GYPC: variants seen among roughly 807,000 people sequenced by gnomAD.
GYPC encodes the protein glycophorin-C.
A neutral mutation model predicts 12.6 loss-of-function variants in GYPC; 14 were observed. The ratio of observed to expected loss-of-function variants is 1.11; its 90% CI spans 0.74 to 1.74. The LOEUF (loss-of-function observed/expected upper bound fraction) is 1.74. GYPC is among the 40% of genes most tolerant of loss of function. The probability of loss-of-function intolerance (pLI) is 0.00; values close to 1 mark genes in which losing one functional copy is unlikely to be tolerated. For synonymous variants in GYPC, 78 were observed against 62.1 expected (o/e 1.26, Z -1.20); for missense variants, 225 against 172.1 (o/e 1.31, Z -1.72).
At chr2:126,685,256 G>T (rs759463368) in intron 1 of GYPC, among the ~76,000 whole-genome samples, 2 of 152,204 alleles carry the variant, frequency 1.3e-5, no homozygotes, top group African/African-American at 4.8e-5. Flanking sequence ...CACAGTGCTA[G>T]CTGAGAAGCA....
intron 1 of GYPC, among the ~76,000 whole-genome samples, chr2:126,689,617 G>A (rs28502422): frequency 0.59 from 87,105 of 148,376 alleles, 26,035 homozygotes; most frequent in African/African-American, 0.69. Flanking sequence ...AGTCACTGGA[G>A]AGCAGGTTGT....
chr2:126,656,184 C>T lies in GYPC; in HGVS notation c.-80C>T. ...CTCTCGCCGCCGAGGGTCAGGAGCC[C>T]GGGAGCGCGACCCTCCCCCGGCCCG... On this transcript the variant is annotated 5_prime_UTR_variant, in exon 1 of 4. Transcript: ENST00000259254. 6.5e-7 allele frequency: 1 copy of T among 1,529,220 alleles called. No homozygotes were observed. Among genetic ancestry groups the T allele is most frequent in the Non-Finnish European group, 8.8e-7 (1 of 1,136,816 alleles). 94.7% of individuals were successfully genotyped at this position (1,529,220 alleles called of 1,614,324 possible). A position where few individuals can be genotyped will look rare whatever the true frequency, so the allele number is the denominator to read the frequency against.
chr2:126,677,500 TATGAGA>T (rs1339491056), intron 1 of GYPC, among the ~76,000 whole-genome samples: 1 of 118,086 alleles, frequency 8.5e-6, no homozygotes, highest in African/African-American at 4.6e-5. Flanking sequence ...TGAGTGTGTG[TATGAGA>T]GTGTGTGTGA....
chr2:126,664,950 T>TC (rs1682638219), intron 1 of GYPC, among the ~76,000 whole-genome samples: 2 of 136,226 alleles, frequency 1.5e-5, no homozygotes, highest in Admixed American at 7.6e-5. Flanking sequence ...ACTTGCTGTC[T>TC]TTCTCTCTCT....
chr2:126,666,001 G>A (rs778167864), intron 1 of GYPC, among the ~76,000 whole-genome samples: 18 of 152,254 alleles, frequency 1.2e-4, no homozygotes, highest in Non-Finnish European at 2.1e-4. Flanking sequence ...TGCTCAGATC[G>A]TTACAGCCCT....
chr2:126,656,274 C>T lies in GYPC; in HGVS notation c.11C>T (p.Thr4Met), dbSNP rs1409613456. Residue 4 changes from threonine to methionine, a missense_variant, in exon 1 of 4, where the codon ACG (threonine) becomes ATG (methionine). Coordinates refer to ENST00000259254, the MANE Select transcript of GYPC (RefSeq NM_002101.5). MWS[T>M]RSPNSTAWPL... ...GGCTGACGCCCAGGAATGTGGTCGACGAGAAGCCCCAACAGCACGGCGTGG... is the reference window on the plus strand; with the variant it reads ...GGCTGACGCCCAGGAATGTGGTCGATGAGAAGCCCCAACAGCACGGCGTGG... 3 of 1,603,428 alleles carry T rather than the reference C, an allele frequency of 1.9e-6. No homozygotes were observed. Among genetic ancestry groups the T allele is most frequent in the Non-Finnish European group, 1.7e-6 (2 of 1,176,670 alleles).
chr2:126,679,199 C>T (rs1454707721), intron 1 of GYPC, among the ~76,000 whole-genome samples: 1 of 152,206 alleles, frequency 6.6e-6, no homozygotes, highest in Non-Finnish European at 1.5e-5. Context: ...TGACACCAAG[C>T]TGCACAGGGG....
chr2:126,667,883 A>T (rs1558880766), intron 1 of GYPC, among the ~76,000 whole-genome samples: 1 of 152,236 alleles, frequency 6.6e-6, no homozygotes, highest in Non-Finnish European at 1.5e-5. Context: ...TACTGCATGC[A>T]AGGTGCTGCA....
At chr2:126,687,286 C>T (rs1014078247) in intron 1 of GYPC, among the ~76,000 whole-genome samples, 11 of 152,204 alleles carry the variant, frequency 7.2e-5, no homozygotes, top group African/African-American at 2.2e-4. Context: ...TGGAAGCCCT[C>T]TTTACACCAG....
At chr2:126,669,562 G>A (rs1032917109) in intron 1 of GYPC, among the ~76,000 whole-genome samples, 3 of 152,174 alleles carry the variant, frequency 2.0e-5, no homozygotes, top group Non-Finnish European at 2.9e-5. Context: ...TTGGTAATTC[G>A]CCCTGGGTCA....
At chr2:126,682,426 G>A (rs1683173775) in intron 1 of GYPC, among the ~76,000 whole-genome samples, 1 of 152,160 alleles carries the variant, frequency 6.6e-6, no homozygotes, top group Non-Finnish European at 1.5e-5. Flanking sequence ...CCAGGCATGG[G>A]GGTAGACAGG....
intron 1 of GYPC, among the ~76,000 whole-genome samples, chr2:126,667,806 C>T (rs1161154846): frequency 6.6e-6 from 1 of 152,180 alleles, no homozygotes; most frequent in Admixed American, 6.5e-5. Context: ...TGAATACAGT[C>T]AAGAGCCCCA....
chr2:126,673,430 T>G (rs997086565), intron 1 of GYPC, among the ~76,000 whole-genome samples: 3 of 152,106 alleles, frequency 2.0e-5, no homozygotes, highest in Non-Finnish European at 4.4e-5. Flanking sequence ...CACTGAGCCC[T>G]CCGTGTGCCA....
chr2:126,675,750 G>T (rs894113714), intron 1 of GYPC: 2 of 904,264 alleles, frequency 2.2e-6, no homozygotes, highest in African/African-American at 3.6e-5. Flanking sequence ...ACCCAAGCAG[G>T]TGAGTAATAA....
At chr2:126,676,868 G>A (rs1015963922) in intron 1 of GYPC, among the ~76,000 whole-genome samples, 2 of 152,192 alleles carry the variant, frequency 1.3e-5, no homozygotes, top group Non-Finnish European at 2.9e-5. Flanking sequence ...CTCTGTTTCA[G>A]AAGCAAAATG....
intron 1 of GYPC, among the ~76,000 whole-genome samples, chr2:126,674,903 G>A (rs1448628015): frequency 2.0e-5 from 3 of 152,214 alleles, no homozygotes; most frequent in Non-Finnish European, 2.9e-5. Context: ...GAGTTCAAAC[G>A]GAGGCTGGCA....
intron 1 of GYPC, among the ~76,000 whole-genome samples, chr2:126,685,159 A>G (rs933733857): frequency 2.0e-5 from 3 of 152,250 alleles, no homozygotes; most frequent in Admixed American, 6.5e-5. Flanking sequence ...TACCAAAAAG[A>G]AAAGTTAGTT....
chr2:126,694,602 T>C (rs1402843447), intron 3 of GYPC, among the ~76,000 whole-genome samples: 5 of 152,168 alleles, frequency 3.3e-5, no homozygotes, highest in African/African-American at 1.2e-4. Context: ...TAACCTGGCA[T>C]TCTCCAACTC....
intron 1 of GYPC, among the ~76,000 whole-genome samples, chr2:126,680,791 C>T (rs1683130467): frequency 6.6e-6 from 1 of 152,226 alleles, no homozygotes; most frequent in Admixed American, 6.5e-5. Context: ...CTACTTGGAG[C>T]ATCTCCTAAC....
Sources: allele counts gnomAD v4.1 joint callset (sites outside exome capture counted in the v4.1 genomes callset), GRCh38; gene constraint gnomAD v4.1.1; transcripts MANE v1.5; gene names NCBI Gene and HGNC (gene_info 2026-07-23, HGNC 2026-07-21).